The following SLC25A21 variants were observed in gnomAD, a reference collection of about 807,000 sequenced individuals.
SLC25A21 encodes mitochondrial 2-oxodicarboxylate carrier.
In SLC25A21, 47 loss-of-function variants were observed where a neutral mutation model predicts 43.8. The observed-to-expected ratio is 1.07, with a 90% CI of 0.85 to 1.37. The LOEUF is 1.37. Among genes scored for constraint, SLC25A21 ranks in the 40% most tolerant of loss-of-function variants. The pLI is 0.00. For synonymous variants in SLC25A21, 131 were observed against 121.3 expected (o/e 1.08, Z -0.52); for missense variants, 352 against 350.2 (o/e 1.00, Z -0.04).
At chr14:36,882,095 A>T (rs1154119) in intron 1 of SLC25A21, among the ~76,000 whole-genome samples, 135,988 of 152,252 alleles carry the variant, frequency 0.89, 61,002 homozygotes, top group Non-Finnish European at 0.93. Flanking sequence ...AGAATAGCAT[A>T]TATCTGGCTG....
chr14:37,040,373 GAGAA>G (rs767966979), intron 1 of SLC25A21, among the ~76,000 whole-genome samples: 2,720 of 20,828 alleles, frequency 0.13, 262 homozygotes, highest in Middle Eastern at 0.15. Flanking sequence ...GAGAGAGAGA[GAGAA>G]AGAAAGAAAG....
chr14:36,953,806 A>C (rs1239057302), intron 1 of SLC25A21, among the ~76,000 whole-genome samples: 2 of 152,178 alleles, frequency 1.3e-5, no homozygotes, highest in African/African-American at 4.8e-5. Context: ...CTTACCACAT[A>C]GGCATTTTAG....
intron 9 of SLC25A21, among the ~76,000 whole-genome samples, chr14:36,681,736 CT>C (rs530598621): frequency 3.3e-4 from 49 of 148,214 alleles, no homozygotes; most frequent in Non-Finnish European, 3.8e-4. Flanking sequence ...CTGCCATATA[CT>C]TTTTTTTTTA....
At chr14:36,843,577 G>C (rs768097983) in intron 2 of SLC25A21, among the ~76,000 whole-genome samples, 24 of 151,878 alleles carry the variant, frequency 1.6e-4, no homozygotes, top group Non-Finnish European at 3.1e-4. Context: ...AATACATACA[G>C]ATACATAACA....
intron 1 of SLC25A21, 166 bp downstream of exon 1, chr14:37,172,115 C>T (rs1374053572): frequency 7.2e-6 from 5 of 695,862 alleles, no homozygotes; most frequent in African/African-American, 5.5e-5. Flanking sequence ...CAACTCCCGG[C>T]CTCCTCTGCT....
chr14:37,063,529 G>C (rs920334779), intron 1 of SLC25A21, among the ~76,000 whole-genome samples: 1 of 151,912 alleles, frequency 6.6e-6, no homozygotes, highest in African/African-American at 2.4e-5. Context: ...CTTGAGCACA[G>C]AGAAAGGCAT....
rs1456883730 is a variant in SLC25A21 at position 36,680,315 on chromosome 14, A to C, written c.*343T>G. Reference sequence around the variant, plus strand: ...AGACCTCTTAGGAAAAATGCTGATCAATACAATGAATTTTCATTGTGAAGC... The same window carrying C: ...AGACCTCTTAGGAAAAATGCTGATCCATACAATGAATTTTCATTGTGAAGC... On this transcript the variant is annotated 3_prime_UTR_variant, in exon 10 of 10. Coordinates refer to ENST00000331299, the MANE Select transcript of SLC25A21 (RefSeq NM_030631.4). The C allele has an allele frequency of 1.3e-5, 13 of 999,592 alleles. No homozygotes were observed. Among genetic ancestry groups the C allele is most frequent in the Non-Finnish European group, 1.5e-5 (13 of 839,244 alleles). 61.9% of individuals were successfully genotyped at this position (999,592 alleles called of 1,614,324 possible).
intron 3 of SLC25A21, among the ~76,000 whole-genome samples, chr14:36,793,533 C>CAAAAAAAAAAAAAAAAAAAACA (rs35553282): frequency 7.9e-6 from 1 of 125,936 alleles, no homozygotes; most frequent in Non-Finnish European, 1.7e-5. Flanking sequence ...AAAATACAAC[C>CAAAAAAAAAAAAAAAAAAAACA]AAAAAAAAAA....
At position 36,679,231 on chromosome 14, in the gene SLC25A21, G is replaced by C; in HGVS notation, c.*1427C>G. 2.0e-6 allele frequency: 2 copies of C among 984,118 alleles called. No homozygotes were observed. The highest frequency in any genetic ancestry group is 2.4e-6 in the Non-Finnish European group (2 of 828,918). 61.0% of individuals were successfully genotyped at this position (984,118 alleles called of 1,614,324 possible). A position where few individuals can be genotyped will look rare whatever the true frequency, so the allele number is the denominator to read the frequency against. On this transcript the variant is annotated 3_prime_UTR_variant, in exon 10 of 10. Coordinates refer to ENST00000331299, the MANE Select transcript of SLC25A21 (RefSeq NM_030631.4). ...TTAATGACCCTTTTATTGAATATTG[G>C]ACTGAAATATAAATTTTAAAAAACA...
intron 3 of SLC25A21, among the ~76,000 whole-genome samples, chr14:36,764,432 C>T (rs912921574): frequency 2.0e-5 from 3 of 149,358 alleles, no homozygotes; most frequent in Non-Finnish European, 1.5e-5. Flanking sequence ...GAGTGGTTTT[C>T]TTATATAGGC....
At chr14:37,008,246 CT>C (rs1431323875) in intron 1 of SLC25A21, among the ~76,000 whole-genome samples, 3 of 152,152 alleles carry the variant, frequency 2.0e-5, no homozygotes, top group Non-Finnish European at 4.4e-5. Context: ...ATTTTCCAGG[CT>C]TCTTCTTAAT....
rs60960202 is a variant in SLC25A21, at chr14:36,925,361, C to T, written c.71-50357G>A. On this transcript the variant is annotated intron_variant, in intron 1 of 9. Transcript: ENST00000331299. ...GAGAAACCCACTTTCAGTATAAAAA[C>T]GCAGATAGGCTAAAAGAACAAAAAA... is the stretch of plus-strand genomic sequence containing the variant. 9.6e-3 allele frequency among the ~76,000 whole-genome samples: 1,466 copies of T among 152,150 alleles called. 29 individuals are homozygous for T. Among genetic ancestry groups the T allele is most frequent in the African/African-American group, 0.033 (1,361 of 41,504 alleles).
At chr14:37,119,709 C>A (rs1963171746) in intron 1 of SLC25A21, among the ~76,000 whole-genome samples, 1 of 152,066 alleles carries the variant, frequency 6.6e-6, no homozygotes, top group African/African-American at 2.4e-5. Context: ...ATGGATTTGC[C>A]CCAAATTCTT....
chr14:36,695,433 T>C (rs1258035183), intron 7 of SLC25A21, among the ~76,000 whole-genome samples: 1 of 152,222 alleles, frequency 6.6e-6, no homozygotes, highest in African/African-American at 2.4e-5. Flanking sequence ...AGTAGTTTTT[T>C]CCAATTGTGT....
chr14:37,140,681 T>A (rs918183049), intron 1 of SLC25A21, among the ~76,000 whole-genome samples: 1 of 152,204 alleles, frequency 6.6e-6, no homozygotes, highest in African/African-American at 2.4e-5. Flanking sequence ...AAGTATTTAT[T>A]TATAAAAACA....
intron 3 of SLC25A21, among the ~76,000 whole-genome samples, chr14:36,756,669 G>A (rs1327454598): frequency 6.6e-6 from 1 of 152,160 alleles, no homozygotes; most frequent in Non-Finnish European, 1.5e-5. Context: ...CATGAGGAAG[G>A]CTCAAGAGAT....
intron 1 of SLC25A21, among the ~76,000 whole-genome samples, chr14:36,900,913 T>C (rs1406048845): frequency 6.6e-6 from 1 of 152,248 alleles, no homozygotes; most frequent in Non-Finnish European, 1.5e-5. Flanking sequence ...TAACTTTGGC[T>C]GCATGTTACA....
chr14:36,741,895 C>A (rs144438069), intron 3 of SLC25A21, among the ~76,000 whole-genome samples: 2 of 152,210 alleles, frequency 1.3e-5, no homozygotes, highest in Non-Finnish European at 2.9e-5. Flanking sequence ...ACAATTACTA[C>A]ATTTTATTTT....
intron 2 of SLC25A21, among the ~76,000 whole-genome samples, chr14:36,869,900 G>A (rs913763245): frequency 1.3e-5 from 2 of 152,110 alleles, no homozygotes; most frequent in African/African-American, 4.8e-5. Context: ...AAAATTCCAC[G>A]TTCAACAAGC....
Sources: gnomAD v4.1 joint callset for allele counts (sites outside exome capture counted in the v4.1 genomes callset) on GRCh38, gnomAD v4.1.1 for gene constraint, MANE v1.5 for transcripts, NCBI Gene and HGNC (gene_info 2026-07-23, HGNC 2026-07-21) for gene names.